DCBLD2: variants seen among roughly 807,000 people sequenced by gnomAD.
DCBLD2 encodes discoidin, CUB and LCCL domain containing 2.
A neutral mutation model predicts 86.8 loss-of-function variants in DCBLD2; 54 were observed. That is an observed-to-expected ratio of 0.62 (90% CI 0.50 to 0.78). DCBLD2 has a LOEUF of 0.78. Among genes scored for constraint, DCBLD2 ranks in the 30% least tolerant of loss-of-function variants. The pLI, the probability that DCBLD2 is intolerant of heterozygous loss-of-function variation, is 0.00. For missense variants in DCBLD2, 908 were observed against 954.2 expected (o/e 0.95, Z 0.64); for synonymous variants, 354 against 341.3 (o/e 1.04, Z -0.41).
intron 1 of DCBLD2, among the ~76,000 whole-genome samples, chr3:98,899,091 A>G (rs1039609598): frequency 6.6e-6 from 1 of 151,988 alleles, no homozygotes; most frequent in Non-Finnish European, 1.5e-5. Context: ...CTAAAAAAAA[A>G]AAAAGTCTTT....
At chr3:98,819,588 T>A (rs1442562751) in intron 7 of DCBLD2, among the ~76,000 whole-genome samples, 171 bp from the exon 8 acceptor site, 1 of 152,222 alleles carries the variant, frequency 6.6e-6, no homozygotes, top group African/African-American at 2.4e-5. Flanking sequence ...CATATGTCTT[T>A]GTGTATCATT....
intron 3 of DCBLD2, among the ~76,000 whole-genome samples, chr3:98,836,735 CAT>C (rs1942465219): frequency 1.3e-5 from 1 of 75,672 alleles, no homozygotes; most frequent in Non-Finnish European, 3.0e-5. Flanking sequence ...CTGACCCCCC[CAT>C]CTCCCTCCCG....
intron 2 of DCBLD2, among the ~76,000 whole-genome samples, chr3:98,858,282 C>A (rs1233860916): frequency 6.6e-6 from 1 of 152,240 alleles, no homozygotes; most frequent in African/African-American, 2.4e-5. Context: ...CCGTGTGCAG[C>A]CCCAGTTCCC....
chr3:98,886,110 G>C (rs953852021), intron 1 of DCBLD2, among the ~76,000 whole-genome samples: 4 of 151,868 alleles, frequency 2.6e-5, no homozygotes, highest in Admixed American at 6.6e-5. Context: ...TATTCACTAA[G>C]AGACTGGTTT....
intron 13 of DCBLD2, among the ~76,000 whole-genome samples, chr3:98,803,488 A>G (rs1362757099): frequency 6.6e-6 from 1 of 152,226 alleles, no homozygotes; most frequent in Non-Finnish European, 1.5e-5. Context: ...TGTCATCTGC[A>G]AACAGGGAAA....
intron 3 of DCBLD2, 153 bp downstream of exon 3, chr3:98,849,308 C>A: frequency 1.1e-6 from 1 of 919,104 alleles, no homozygotes; most frequent in Non-Finnish European, 1.6e-6. Context: ...TGAAACTGAA[C>A]TCACCTTATT....
At chr3:98,839,139 CCTTCCTTCTTT>C (rs1279156331) in intron 3 of DCBLD2, among the ~76,000 whole-genome samples, 3 of 25,812 alleles carry the variant, frequency 1.2e-4, no homozygotes, top group African/African-American at 3.3e-4. Flanking sequence ...TTCCTTCCTT[CCTTCCTTCTTT>C]CTTTCTTTCT....
intron 9 of DCBLD2, chr3:98,814,362 T>C (rs1294978455): frequency 1.3e-5 from 2 of 152,192 alleles, no homozygotes; most frequent in East Asian, 1.9e-4. Flanking sequence ...ATAAAAACTA[T>C]CTTTAAGATA....
intron 3 of DCBLD2, among the ~76,000 whole-genome samples, chr3:98,837,796 C>T (rs1461107756): frequency 1.0e-4 from 13 of 125,382 alleles, no homozygotes; most frequent in Middle Eastern, 5.9e-3. Flanking sequence ...ACCTCCCAGA[C>T]GGGGCGGCTG....
intron 13 of DCBLD2, among the ~76,000 whole-genome samples, chr3:98,804,198 C>A (rs1941786255): frequency 6.6e-6 from 1 of 152,086 alleles, no homozygotes; most frequent in African/African-American, 2.4e-5. Flanking sequence ...GGTTGGTAGG[C>A]TATTAATTAT....
chr3:98,876,888 T>C (rs1263673346), intron 2 of DCBLD2, among the ~76,000 whole-genome samples: 3 of 152,106 alleles, frequency 2.0e-5, no homozygotes, highest in Non-Finnish European at 4.4e-5. Flanking sequence ...AAAACACTGA[T>C]AGGTAGGGAG....
chr3:98,833,908 C>T (rs1942371207), intron 3 of DCBLD2, among the ~76,000 whole-genome samples: 1 of 152,178 alleles, frequency 6.6e-6, no homozygotes, highest in Non-Finnish European at 1.5e-5. Flanking sequence ...GAAACCCAAG[C>T]CTGGAGGACT....
chr3:98,893,769 T>C (rs1311524971), intron 1 of DCBLD2, among the ~76,000 whole-genome samples: 2 of 152,188 alleles, frequency 1.3e-5, no homozygotes, highest in African/African-American at 4.8e-5. Context: ...AAAATTCACA[T>C]TCCCCAATGT....
At chr3:98,833,935 A>G (rs1388187950) in intron 3 of DCBLD2, among the ~76,000 whole-genome samples, 2 of 152,186 alleles carry the variant, frequency 1.3e-5, no homozygotes, top group Admixed American at 1.3e-4. Context: ...GTGAGGAGAT[A>G]TGGGAGTGGA....
chr3:98,890,843 C>G (rs1943648292), intron 1 of DCBLD2, among the ~76,000 whole-genome samples: 1 of 152,052 alleles, frequency 6.6e-6, no homozygotes, highest in Non-Finnish European at 1.5e-5. Flanking sequence ...TGTGGGCAAT[C>G]TACTCCTTGA....
At chr3:98,881,843 T>C (rs1288110989) in intron 1 of DCBLD2, 76 bp from the exon 2 acceptor site, 1 of 1,403,130 alleles carries the variant, frequency 7.1e-7, no homozygotes, top group African/African-American at 1.4e-5. Context: ...TTTGTGAAGA[T>C]TTAAAAATAT....
intron 3 of DCBLD2, among the ~76,000 whole-genome samples, chr3:98,848,595 T>C (rs1445965376): frequency 6.6e-6 from 1 of 152,212 alleles, no homozygotes; most frequent in African/African-American, 2.4e-5. Context: ...AAACAGTGTA[T>C]ACGGTTTCTT....
At chr3:98,888,139 T>C (rs1350296999) in intron 1 of DCBLD2, among the ~76,000 whole-genome samples, 2 of 152,000 alleles carry the variant, frequency 1.3e-5, no homozygotes, top group East Asian at 1.9e-4. Flanking sequence ...ATTTCCTCCA[T>C]GGTTTTTTGT....
intron 6 of DCBLD2, 113 bp from the exon 7 acceptor site, chr3:98,820,401 A>C (rs760038952): frequency 2.6e-5 from 19 of 723,256 alleles, no homozygotes; most frequent in Non-Finnish European, 3.6e-5. Context: ...AGAACCAAGA[A>C]GACTGTGTGG....
Sources: gnomAD v4.1 joint callset for allele counts (sites outside exome capture counted in the v4.1 genomes callset) on GRCh38, gnomAD v4.1.1 for gene constraint, MANE v1.5 for transcripts, NCBI Gene and HGNC (gene_info 2026-07-23, HGNC 2026-07-21) for gene names.